The following CUX1 variants were observed in gnomAD, a reference collection of about 807,000 sequenced individuals.
CUX1 encodes the protein cut like homeobox 1, also known as protein CASP.
Under a neutral mutation model 158.8 loss-of-function variants are expected in CUX1, and 31 were observed. The observed-to-expected ratio is 0.20, with a 90% CI of 0.15 to 0.26. The LOEUF (loss-of-function observed/expected upper bound fraction) is 0.26, where lower values mean the gene tolerates loss of function less well. Ranked by LOEUF, CUX1 falls within the 10% of genes least tolerant of loss-of-function variation. CUX1 has a pLI of 1.00. For missense variants in CUX1, 1,589 were observed against 2,014.6 expected, an observed-to-expected ratio of 0.79 and a Z score of 4.04; for synonymous variants, 879 against 862.1, an observed-to-expected ratio of 1.02 and a Z score of -0.34.
intron 21 of CUX1, among the ~76,000 whole-genome samples, chr7:102,233,659 C>T (rs1031136097): frequency 6.6e-6 from 1 of 152,130 alleles, no homozygotes; most frequent in Non-Finnish European, 1.5e-5. Flanking sequence ...TGGTGGCGAG[C>T]ACCTGTAGTC....
At chr7:101,913,012 A>C (rs1803675139) in intron 1 of CUX1, 1 of 160,922 alleles carries the variant, frequency 6.2e-6, no homozygotes, top group South Asian at 1.5e-4. Flanking sequence ...TGACGCTTTG[A>C]GGATAGGCAG....
intron 18 of CUX1, among the ~76,000 whole-genome samples, chr7:102,278,649 TAAAATAAAAAAATA>T (rs1243818470): frequency 1.0e-5 from 1 of 98,470 alleles, no homozygotes; most frequent in Non-Finnish European, 2.1e-5. Context: ...TAAAATAAAA[TAAAATAAAAAAATA>T]AAATAAAATA....
intron 1 of CUX1, among the ~76,000 whole-genome samples, chr7:101,872,021 A>C (rs6944154): frequency 0.3 from 44,859 of 147,238 alleles, 7,106 homozygotes; most frequent in Middle Eastern, 0.4. Context: ...CCATCCCCCC[A>C]AAAAAAAAAA....
intron 7 of CUX1, among the ~76,000 whole-genome samples, chr7:102,113,327 T>G (rs1373236044): frequency 2.0e-5 from 3 of 151,988 alleles, no homozygotes; most frequent in African/African-American, 7.2e-5. Context: ...CAACCTCTGC[T>G]CCCCGGGTTC....
intron 1 of CUX1, among the ~76,000 whole-genome samples, chr7:101,865,127 G>T (rs1797816013): frequency 6.6e-6 from 1 of 152,190 alleles, no homozygotes; most frequent in Non-Finnish European, 1.5e-5. Flanking sequence ...GGAGATAGAA[G>T]AGGAGCCTGG....
intron 3 of CUX1, among the ~76,000 whole-genome samples, chr7:102,053,760 G>T (rs1403630807): frequency 6.6e-6 from 1 of 150,666 alleles, no homozygotes; most frequent in Non-Finnish European, 1.5e-5. Flanking sequence ...ATATATTCTG[G>T]AGTATCTTTT....
At chr7:102,040,341 A>G (rs1361706156) in intron 3 of CUX1, among the ~76,000 whole-genome samples, 2 of 152,178 alleles carry the variant, frequency 1.3e-5, no homozygotes, top group Non-Finnish European at 1.5e-5. Context: ...GGGAAAGAGC[A>G]GCAGGAAGAT....
At chr7:102,013,260 A>G (rs947481961) in intron 2 of CUX1, among the ~76,000 whole-genome samples, 4 of 152,246 alleles carry the variant, frequency 2.6e-5, no homozygotes, top group African/African-American at 9.6e-5. Context: ...CGCCGAAGCT[A>G]ATGTCAAGAT....
Position 102,254,999 on chromosome 7 carries a change from C to T in CUX1, c.*5957C>T. On this transcript the variant is annotated 3_prime_UTR_variant, in exon 24 of 24. Transcript: ENST00000292535. ...ATGGGCTGAAAGTTAAGTCCACCAA[C>T]CCTTGGGCTTAATCAGGACGGAAGA... 2 of 985,464 alleles carry T rather than the reference C, an allele frequency of 2.0e-6. No homozygotes were observed. The highest frequency in any genetic ancestry group is 2.4e-6 in the Non-Finnish European group (2 of 829,998). 61.0% of individuals were successfully genotyped at this position (985,464 alleles called of 1,614,324 possible). A position where few individuals can be genotyped will look rare whatever the true frequency, so the allele number is the denominator to read the frequency against.
At chr7:101,984,089 A>AAAAAAAAAAAAAAATAT (rs1221503978) in intron 2 of CUX1, among the ~76,000 whole-genome samples, 1 of 29,842 alleles carries the variant, frequency 3.4e-5, no homozygotes, top group African/African-American at 1.2e-4. Flanking sequence ...AAAAAAAAAA[A>AAAAAAAAAAAAAAATAT]ATATATATAT....
At chr7:102,092,298 A>T (rs772991488) in intron 4 of CUX1, among the ~76,000 whole-genome samples, 4 of 152,006 alleles carry the variant, frequency 2.6e-5, no homozygotes, top group Non-Finnish European at 4.4e-5. Flanking sequence ...TGCCTTGACC[A>T]TGCCCTGTTC....
intron 9 of CUX1, among the ~76,000 whole-genome samples, chr7:102,159,962 C>A (rs1424742768): frequency 1.3e-5 from 2 of 152,138 alleles, no homozygotes; most frequent in Non-Finnish European, 2.9e-5. Context: ...GGGTGGATGA[C>A]TTGAGGTCAG....
At chr7:101,818,352 A>G (rs752783724) in intron 1 of CUX1, among the ~76,000 whole-genome samples, 10 of 149,680 alleles carry the variant, frequency 6.7e-5, no homozygotes, top group Non-Finnish European at 8.9e-5. Context: ...CATTATTATT[A>G]TTTTTCTCTC....
At chr7:101,862,795 C>T (rs1261095615) in intron 1 of CUX1, among the ~76,000 whole-genome samples, 1 of 151,822 alleles carries the variant, frequency 6.6e-6, no homozygotes, top group Non-Finnish European at 1.5e-5. Context: ...TTTAGAGCTC[C>T]CAAAGTTTAG....
intron 21 of CUX1, among the ~76,000 whole-genome samples, chr7:102,230,914 G>T (rs1798895350): frequency 2.6e-5 from 4 of 152,070 alleles, no homozygotes; most frequent in Admixed American, 2.6e-4. Context: ...AGGCCGGAGT[G>T]CAGTGGCACG....
intron 8 of CUX1, among the ~76,000 whole-genome samples, chr7:102,130,324 A>G (rs782063924): frequency 3.9e-5 from 6 of 152,038 alleles, no homozygotes; most frequent in Non-Finnish European, 8.8e-5. Flanking sequence ...GTGAGAATTA[A>G]CCCCCACATG....
intron 8 of CUX1, among the ~76,000 whole-genome samples, chr7:102,126,639 C>T (rs1464988579): frequency 1.3e-5 from 2 of 152,092 alleles, no homozygotes; most frequent in Admixed American, 6.6e-5. Flanking sequence ...CTCAGAACAC[C>T]CACGTTAATT....
chr7:102,249,330 CG>C lies in CUX1; in HGVS notation c.*289del. Reference sequence around the variant, plus strand: ...CAGCCCGCGGCCTGGACCCCTGGACCGCTTTGCGCACTTACCGCCCTGCGGG... The same window carrying C: ...CAGCCCGCGGCCTGGACCCCTGGACCCTTTGCGCACTTACCGCCCTGCGGG... On this transcript the variant is annotated 3_prime_UTR_variant, in exon 24 of 24. Coordinates refer to ENST00000292535, the MANE Select transcript of CUX1 (RefSeq NM_181552.4). 2.9e-6 allele frequency: 3 copies of C among 1,019,168 alleles called. No homozygotes were observed. Among genetic ancestry groups the C allele is most frequent in the Non-Finnish European group, 3.5e-6 (3 of 851,342 alleles). 63.1% of individuals were successfully genotyped at this position (1,019,168 alleles called of 1,614,324 possible). A position where few individuals can be genotyped will look rare whatever the true frequency, so the allele number is the denominator to read the frequency against.
At chr7:102,264,764 T>G (rs1222508056) in intron 14 of CUX1, 2 of 152,492 alleles carry the variant, frequency 1.3e-5, no homozygotes, top group Non-Finnish European at 2.9e-5. Flanking sequence ...GTGGGATCGA[T>G]TTCTTCCACA....
Sources: gnomAD v4.1 joint callset for allele counts (sites outside exome capture counted in the v4.1 genomes callset) on GRCh38, gnomAD v4.1.1 for gene constraint, MANE v1.5 for transcripts, NCBI Gene and HGNC (gene_info 2026-07-23, HGNC 2026-07-21) for gene names.